Variants in RREB1 observed in about 807,000 individuals in gnomAD.
RREB1 encodes the protein ras responsive element binding protein 1, also known as ras-responsive element-binding protein 1.
In RREB1, 27 loss-of-function variants were observed where a neutral mutation model predicts 117.8. The ratio of observed to expected loss-of-function variants is 0.23; its 90% confidence interval spans 0.17 to 0.32. RREB1 has a LOEUF of 0.32. RREB1 is among the 10% of genes least tolerant of loss of function. The pLI is 1.00. For missense variants in RREB1, 2,577 were observed against 2,378.2 expected, an observed-to-expected ratio of 1.08 and a Z score of -1.74; for synonymous variants, 1,298 against 1,026.7, an observed-to-expected ratio of 1.26 and a Z score of -5.05.
intron 1 of RREB1, among the ~76,000 whole-genome samples, chr6:7,147,236 G>T (rs1231882546): frequency 6.6e-6 from 1 of 152,192 alleles, no homozygotes; most frequent in Non-Finnish European, 1.5e-5. Flanking sequence ...GGCCGAGCTG[G>T]GTCTGTGAAG....
chr6:7,123,185 TCTCA>T (rs1407525187), intron 1 of RREB1, among the ~76,000 whole-genome samples: 1 of 151,030 alleles, frequency 6.6e-6, no homozygotes, highest in Non-Finnish European at 1.5e-5. Context: ...GGAGACAGAG[TCTCA>T]CTCTGTTGCC....
At chr6:7,242,763 G>A (rs1230333276) in intron 11 of RREB1, among the ~76,000 whole-genome samples, 4 of 151,324 alleles carry the variant, frequency 2.6e-5, no homozygotes, top group African/African-American at 9.7e-5. Context: ...TGTATGCCTA[G>A]GTGGCATTTT....
chr6:7,139,032 C>G (rs1484472996), intron 1 of RREB1, among the ~76,000 whole-genome samples: 1 of 152,164 alleles, frequency 6.6e-6, no homozygotes, highest in Non-Finnish European at 1.5e-5. Context: ...TACTGAACTA[C>G]TTTTTCGTGC....
At chr6:7,193,757 A>C (rs185498226) in intron 6 of RREB1, among the ~76,000 whole-genome samples, 1 of 152,352 alleles carries the variant, frequency 6.6e-6, no homozygotes, top group African/African-American at 2.4e-5. Flanking sequence ...TATTTTTGAT[A>C]ACTTTGTGCA....
chr6:7,173,710 C>T (rs1362300241), intron 1 of RREB1, among the ~76,000 whole-genome samples: 1 of 151,828 alleles, frequency 6.6e-6, no homozygotes, highest in Non-Finnish European at 1.5e-5. Context: ...ATCCCAGCTA[C>T]CCGGGAGGCT....
chr6:7,231,372 C>T lies in RREB1; in HGVS notation c.3273C>T (p.Pro1091=), dbSNP rs147399080. The T allele has an allele frequency of 5.8e-5, 94 of 1,613,388 alleles. No homozygotes were observed. The highest frequency in any genetic ancestry group is 1.8e-4 in the South Asian group (16 of 91,074). Residue 1091 remains proline (P), a synonymous_variant, in exon 10 of 13, where the codon CCC becomes CCT. Transcript: ENST00000379938. ...AAACCAAGGTGGCGGACCCAGGGCCCGCAAGCACTGGCAGTAACACCACGG... is the reference window on the plus strand; with the variant it reads ...AAACCAAGGTGGCGGACCCAGGGCCTGCAAGCACTGGCAGTAACACCACGG... ...LLKTKVADPG[P]ASTGSNTTAS... is the part of the protein sequence containing the mutation.
chr6:7,181,033 T>C, intron 2 of RREB1, 91 bp from the exon 3 acceptor site: 1 of 395,510 alleles, frequency 2.5e-6, no homozygotes, highest in Non-Finnish European at 4.5e-6. Flanking sequence ...GTTGTGAATA[T>C]AGTGGTCTAA....
At chr6:7,203,426 G>A (rs1235610864) in intron 6 of RREB1, among the ~76,000 whole-genome samples, 1 of 152,204 alleles carries the variant, frequency 6.6e-6, no homozygotes, top group Non-Finnish European at 1.5e-5. Context: ...GGAAGTATCT[G>A]TACCAAGAAT....
chr6:7,206,844 G>A (rs191339114), intron 6 of RREB1, among the ~76,000 whole-genome samples: 2 of 152,284 alleles, frequency 1.3e-5, no homozygotes, highest in African/African-American at 2.4e-5. Flanking sequence ...TCCCAGAGGC[G>A]GGAACTAGTT....
chr6:7,208,731 T>C (rs980200477), intron 6 of RREB1, among the ~76,000 whole-genome samples: 3 of 152,224 alleles, frequency 2.0e-5, no homozygotes, highest in African/African-American at 4.8e-5. Context: ...GTGGGAATGT[T>C]CTATGCCTGA....
chr6:7,174,167 T>TTTTC (rs1764379683), intron 1 of RREB1, among the ~76,000 whole-genome samples: 1 of 150,554 alleles, frequency 6.6e-6, no homozygotes, highest in African/African-American at 2.5e-5. Context: ...TTTTTTTTTT[T>TTTTC]TCTGAAGCAT....
chr6:7,125,690 G>A (rs1238214048), intron 1 of RREB1, among the ~76,000 whole-genome samples: 3 of 152,122 alleles, frequency 2.0e-5, no homozygotes, highest in Non-Finnish European at 4.4e-5. Flanking sequence ...CCTCAGAACT[G>A]GTATTGGGGT....
intron 11 of RREB1, among the ~76,000 whole-genome samples, chr6:7,242,880 A>G (rs1768800717): frequency 6.6e-6 from 1 of 152,176 alleles, no homozygotes; most frequent in African/African-American, 2.4e-5. Context: ...GTTCTCCCTT[A>G]AAGGTCCATT....
At chr6:7,118,326 G>A (rs756313099) in intron 1 of RREB1, among the ~76,000 whole-genome samples, 1 of 152,026 alleles carries the variant, frequency 6.6e-6, no homozygotes, top group Non-Finnish European at 1.5e-5. Flanking sequence ...TCACTATGTT[G>A]GCCAGGCTGG....
chr6:7,233,231 A>G (rs1349774731), intron 10 of RREB1, among the ~76,000 whole-genome samples: 1 of 152,204 alleles, frequency 6.6e-6, no homozygotes. Context: ...AGTTTCTAGA[A>G]GCTGATTTTT....
chr6:7,205,413 G>A (rs771017681), intron 6 of RREB1, among the ~76,000 whole-genome samples: 1 of 152,174 alleles, frequency 6.6e-6, no homozygotes, highest in Non-Finnish European at 1.5e-5. Flanking sequence ...TGGAGTCTCC[G>A]TAATTACTAG....
chr6:7,240,344 A>T (rs2714337), intron 10 of RREB1, 94 bp from the exon 11 acceptor site: 311,163 of 922,630 alleles, frequency 0.34, 54,438 homozygotes, highest in Admixed American at 0.4. Flanking sequence ...GGGGGGAACA[A>T]CTGCCAATGA....
chr6:7,146,858 C>CT (rs1762888706), intron 1 of RREB1, among the ~76,000 whole-genome samples: 1 of 151,366 alleles, frequency 6.6e-6, no homozygotes, highest in Non-Finnish European at 1.5e-5. Context: ...GAAGATGTTT[C>CT]TGATTCTAGT....
chr6:7,228,847 A>G (rs1767740681), intron 9 of RREB1, 150 bp from the exon 10 acceptor site: 2 of 653,132 alleles, frequency 3.1e-6, no homozygotes, highest in Non-Finnish European at 4.4e-6. Flanking sequence ...GGATCTTGCT[A>G]TATTGCCCAG....
Sources: allele counts gnomAD v4.1 joint callset (sites outside exome capture counted in the v4.1 genomes callset), GRCh38; gene constraint gnomAD v4.1.1; transcripts MANE v1.5; gene names NCBI Gene and HGNC (gene_info 2026-07-23, HGNC 2026-07-21).